The following SORBS2 variants were observed in gnomAD, a reference collection of about 807,000 sequenced individuals.
The protein encoded by SORBS2 is sorbin and SH3 domain-containing protein 2.
SORBS2 carries 46 observed loss-of-function variants against 97.7 expected under a neutral mutation model. The observed-to-expected ratio is 0.47, with a 90% CI of 0.37 to 0.60. The LOEUF is 0.60. SORBS2 is among the 20% of genes least tolerant of loss of function. The pLI is 0.00. For synonymous variants in SORBS2, 476 were observed against 473.4 expected, an observed-to-expected ratio of 1.01 and a Z score of -0.07; for missense variants, 1,316 against 1,282.3, an observed-to-expected ratio of 1.03 and a Z score of -0.40.
chr4:185,759,382 G>T (rs192398808), intron 2 of SORBS2, among the ~76,000 whole-genome samples: 3 of 152,312 alleles, frequency 2.0e-5, no homozygotes, highest in African/African-American at 7.2e-5. Flanking sequence ...ACATGTGAGG[G>T]TAAGGTGCTC....
chr4:185,678,456 T>C lies in SORBS2; in HGVS notation c.-79A>G, dbSNP rs1386953575. On this transcript the variant is annotated 5_prime_UTR_variant, in exon 4 of 21. Transcript: ENST00000284776. The stretch of plus-strand genomic sequence containing the variant: ...GTGATCTTTTATCTTGTAGGTTTGG[T>C]CGAACGCTTCTAAAACCTTTTGCTG... 14 of 1,550,896 alleles carry C rather than the reference T, an allele frequency of 9.0e-6. No individual in the cohort carries two copies. The Admixed American group carries it at 2.4e-4, about 26-fold the overall frequency.
At chr4:185,776,899 C>CAA (rs34135817) in intron 1 of SORBS2, among the ~76,000 whole-genome samples, 2,341 of 110,944 alleles carry the variant, frequency 0.021, 46 homozygotes, top group Non-Finnish European at 0.03. Context: ...GACTCCATCT[C>CAA]AAAAAAAAAA....
At chr4:185,701,294 T>C (rs1358699014) in intron 2 of SORBS2, among the ~76,000 whole-genome samples, 2 of 152,314 alleles carry the variant, frequency 1.3e-5, no homozygotes, top group African/African-American at 2.4e-5. Context: ...TCCAGGGTAG[T>C]CTGCCATGAT....
intron 6 of SORBS2, among the ~76,000 whole-genome samples, 168 bp from the exon 19 acceptor site, chr4:185,624,662 A>C (rs934056846): frequency 1.3e-5 from 2 of 152,132 alleles, no homozygotes; most frequent in Non-Finnish European, 2.9e-5. Context: ...TCAACTCTAG[A>C]GAAGAAGGTC....
intron 2 of SORBS2, among the ~76,000 whole-genome samples, chr4:185,730,305 ACTTT>A (rs1158159955): frequency 1.5e-5 from 2 of 129,086 alleles, no homozygotes; most frequent in East Asian, 2.3e-4. Context: ...AGGTCAATAT[ACTTT>A]CTTTTTTTTT....
chr4:185,594,644 A>C (rs1277394096), intron 12 of SORBS2, among the ~76,000 whole-genome samples: 1 of 152,226 alleles, frequency 6.6e-6, no homozygotes, highest in Admixed American at 6.5e-5. Flanking sequence ...CTAAGCATCA[A>C]GACCAGTATC....
At chr4:185,651,952 T>C (rs1162584928) in intron 2 of SORBS2, 124 bp from the exon 11 acceptor site, 10 of 647,788 alleles carry the variant, frequency 1.5e-5, no homozygotes, top group African/African-American at 9.4e-5. Flanking sequence ...TAGTTCATAA[T>C]GCCATTTTCT....
intron 9 of SORBS2, among the ~76,000 whole-genome samples, chr4:185,617,938 C>T (rs2096653196): frequency 6.6e-6 from 1 of 152,168 alleles, no homozygotes; most frequent in Non-Finnish European, 1.5e-5. Flanking sequence ...ATTCCCCCAG[C>T]TAGTGTTAAT....
chr4:185,646,632 C>T (rs755758045), intron 4 of SORBS2, 36 bp downstream of exon 13: 14 of 1,346,228 alleles, frequency 1.0e-5, no homozygotes, highest in Middle Eastern at 3.6e-4. Context: ...GGGAGCCCAG[C>T]GAGCTGGCAT....
At chr4:185,939,804 C>G (rs2099270970) in intron 1 of SORBS2, among the ~76,000 whole-genome samples, 1 of 152,174 alleles carries the variant, frequency 6.6e-6, no homozygotes, top group Admixed American at 6.5e-5. Context: ...GCTACCACGC[C>G]TGGCCTGTCT....
At chr4:185,884,028 G>A (rs560337626) in intron 1 of SORBS2, among the ~76,000 whole-genome samples, 1 of 152,304 alleles carries the variant, frequency 6.6e-6, no homozygotes, top group Admixed American at 6.5e-5. Flanking sequence ...GTTTTCATCA[G>A]GAGGTGGGGG....
chr4:185,844,380 GA>G (rs2153678456), intron 1 of SORBS2, among the ~76,000 whole-genome samples: 1 of 152,280 alleles, frequency 6.6e-6, no homozygotes, highest in Admixed American at 6.5e-5. Flanking sequence ...GGTCACCAGT[GA>G]AATGCAAAAC....
intron 2 of SORBS2, among the ~76,000 whole-genome samples, chr4:185,727,360 A>G (rs891505100): frequency 6.6e-6 from 1 of 152,220 alleles, no homozygotes; most frequent in Non-Finnish European, 1.5e-5. Context: ...TTTACCTTCA[A>G]AGTAACAATA....
At position 185,908,860 on chromosome 4, in the gene SORBS2, T is replaced by C. The variant is rs566639512; in HGVS notation, c.-338+47336A>G. 1.1e-4 allele frequency among the ~76,000 whole-genome samples: 17 copies of C among 151,970 alleles called. No individual in the cohort carries two copies. In the East Asian group the frequency reaches 3.1e-3, roughly 28 times the overall value. ...TCTAAAATATAACCCTTGCATAACA[T>C]ATAAAAATATATGAATATATGCATT... On this transcript the variant is annotated intron_variant, in intron 1 of 20. Coordinates refer to the SORBS2 transcript ENST00000284776.
intron 2 of SORBS2, chr4:185,771,998 T>A (rs2098974187): frequency 6.6e-6 from 1 of 152,272 alleles, no homozygotes; most frequent in Admixed American, 6.5e-5. Flanking sequence ...ATGCTTGGTG[T>A]CTCTAATGAG....
chr4:185,651,973 CTT>C, intron 2 of SORBS2, 145 bp from the exon 11 acceptor site: 1 of 590,386 alleles, frequency 1.7e-6, no homozygotes, highest in Admixed American at 3.2e-5. Context: ...TTCTTTTTTT[CTT>C]TTTTTTTAAG....
intron 4 of SORBS2, among the ~76,000 whole-genome samples, chr4:185,665,197 C>G (rs1004914639): frequency 6.6e-6 from 1 of 152,016 alleles, no homozygotes; most frequent in Non-Finnish European, 1.5e-5. Flanking sequence ...ATAGGATTAT[C>G]GACATCATTC....
chr4:185,843,210 C>T (rs555350182), intron 1 of SORBS2, among the ~76,000 whole-genome samples: 3 of 152,122 alleles, frequency 2.0e-5, no homozygotes, highest in East Asian at 1.9e-4. Context: ...AATGGGAATC[C>T]GGAGAGTGTG....
chr4:185,678,329 G>T, intron 4 of SORBS2, 94 bp downstream of exon 7: 5 of 1,031,280 alleles, frequency 4.8e-6, no homozygotes, highest in Non-Finnish European at 5.2e-6. Flanking sequence ...AAAATAAAAC[G>T]TATTGAAATA....
Sources: gnomAD v4.1 joint callset for allele counts (sites outside exome capture counted in the v4.1 genomes callset) on GRCh38, gnomAD v4.1.1 for gene constraint, MANE v1.5 for transcripts, NCBI Gene and HGNC (gene_info 2026-07-23, HGNC 2026-07-21) for gene names.